The following HCK variants were observed in gnomAD, a reference collection of about 807,000 sequenced individuals.
HCK encodes HCK proto-oncogene, Src family tyrosine kinase.
Under a neutral mutation model 70.4 loss-of-function variants are expected in HCK, and 40 were observed. The ratio of observed to expected loss-of-function variants is 0.57; its 90% CI spans 0.44 to 0.74. The LOEUF (loss-of-function observed/expected upper bound fraction) is 0.74. Among genes scored for constraint, HCK ranks in the 30% least tolerant of loss-of-function variants. The pLI is 0.00. For synonymous variants in HCK, 245 were observed against 263.2 expected, an observed-to-expected ratio of 0.93 and a Z score of 0.67; for missense variants, 568 against 697.2, an observed-to-expected ratio of 0.81 and a Z score of 2.09.
chr20:32,073,548 A>C (rs2045574955), intron 3 of HCK, among the ~76,000 whole-genome samples, 168 bp from the exon 4 acceptor site: 1 of 152,252 alleles, frequency 6.6e-6, no homozygotes, highest in East Asian at 1.9e-4. Context: ...TGAACAAAAC[A>C]TATTTAGCTT....
intron 1 of HCK, chr20:32,054,196 C>T (rs1489474805): frequency 6.6e-6 from 3 of 456,332 alleles, no homozygotes; most frequent in Non-Finnish European, 1.3e-5. Context: ...ACTCTCAGTC[C>T]TGTTTCTCTC....
intron 5 of HCK, among the ~76,000 whole-genome samples, chr20:32,077,645 G>C (rs2045646162): frequency 6.6e-6 from 1 of 152,096 alleles, no homozygotes; most frequent in Non-Finnish European, 1.5e-5. Flanking sequence ...TCCTGCCTCA[G>C]CCTCCCAAGT....
At chr20:32,063,258 G>A (rs996870821) in intron 1 of HCK, among the ~76,000 whole-genome samples, 1 of 152,138 alleles carries the variant, frequency 6.6e-6, no homozygotes, top group African/African-American at 2.4e-5. Context: ...TTAGATACCA[G>A]GTGCTTCTTT....
Position 32,052,386 on chromosome 20 carries a change from T to C in HCK, c.-39T>C. ...CGCCTCTAGTTCTAGAAAGTCAGTT[T>C]CCCGGCACTGGCACCCCGGAACCTC... On this transcript the variant is annotated 5_prime_UTR_variant, in exon 1 of 13. Coordinates refer to ENST00000375852, the MANE Select transcript of HCK (RefSeq NM_002110.5). The C allele has an allele frequency of 1.6e-6, 2 of 1,278,922 alleles. No individual in the cohort carries two copies. The highest frequency in any genetic ancestry group is 2.8e-5 in the South Asian group (1 of 36,322). The allele number at this position is 1,278,922 out of a possible 1,614,324, so 79.2% of individuals were successfully genotyped here. A position where few individuals can be genotyped will look rare whatever the true frequency, so the allele number is the denominator to read the frequency against.
chr20:32,065,819 A>T (rs952531331), intron 1 of HCK, among the ~76,000 whole-genome samples: 1 of 152,184 alleles, frequency 6.6e-6, no homozygotes, highest in Non-Finnish European at 1.5e-5. Flanking sequence ...TTCATGCACT[A>T]AGTGGGAGAA....
At chr20:32,083,818 A>G in intron 6 of HCK, 76 bp from the exon 7 acceptor site, 1 of 1,543,334 alleles carries the variant, frequency 6.5e-7, no homozygotes, top group Non-Finnish European at 8.9e-7. Context: ...GTAGCCTTAC[A>G]GGGTGTCAGA....
At chr20:32,073,259 C>T (rs1287615794) in intron 2 of HCK, 60 bp from the exon 3 acceptor site, 2 of 1,458,600 alleles carry the variant, frequency 1.4e-6, no homozygotes, top group Non-Finnish European at 1.9e-6. Flanking sequence ...CAACACAGAC[C>T]TTCCACGGGT....
At position 32,093,983 on chromosome 20, in the gene HCK, G is replaced by T; in HGVS notation, c.1213G>T (p.Val405Phe). The T allele has an allele frequency of 6.2e-7, 1 of 1,614,028 alleles. No homozygotes were observed. The highest frequency in any genetic ancestry group is 8.5e-7 in the Non-Finnish European group (1 of 1,179,982). ...GATTGCTGACTTTGGCCTGGCCCGG[G>T]TCATTGAGGACAACGAGTACACGGC... Residue 405 changes from valine to phenylalanine, a missense_variant, in exon 11 of 13, where the codon GTC (valine) becomes TTC (phenylalanine). By Grantham distance (50) the Val-to-Phe change is conservative. This residue lies in a region of HCK where 160 missense variants were observed against 237.5 expected (regional missense o/e 0.67). Transcript: ENST00000375852.
rs1191674961 is a variant in HCK, at chr20:32,094,684, CAAAAGAAAAG to C, written c.1246+687_1246+696del. ...CCTGGTGGACAGAGCAAGATCTTGT[CAAAAGAAAAG>C]AAAAGAAAAGAAAAGAAAGAAAGAA... is the stretch of plus-strand genomic sequence containing the variant. On this transcript the variant is annotated intron_variant, in intron 11 of 12. Transcript: ENST00000375852. Among the ~76,000 whole-genome samples, 887 of 100,760 alleles carry C rather than the reference CAAAAGAAAAG, an allele frequency of 8.8e-3. 26 individuals are homozygous for C. The highest frequency in any genetic ancestry group is 0.019 in the Middle Eastern group (4 of 206). 66.1% of individuals were successfully genotyped at this position (100,760 alleles called of 152,430 possible).
intron 12 of HCK, among the ~76,000 whole-genome samples, chr20:32,099,670 C>T (rs2046007445): frequency 6.6e-6 from 1 of 151,894 alleles, no homozygotes; most frequent in African/African-American, 2.4e-5. Context: ...ACCCCTATGA[C>T]ATCTGAGCAG....
chr20:32,073,505 G>A, intron 3 of HCK, 144 bp downstream of exon 3: 1 of 720,264 alleles, frequency 1.4e-6, no homozygotes, highest in Admixed American at 2.8e-5. Context: ...CTTTGCGCAG[G>A]CTATTGTGTT....
At chr20:32,058,392 C>T (rs1034633378) in intron 1 of HCK, among the ~76,000 whole-genome samples, 2 of 151,990 alleles carry the variant, frequency 1.3e-5, no homozygotes, top group East Asian at 1.9e-4. Flanking sequence ...ATTAGCCGGG[C>T]GTGGTGGCGG....
intron 1 of HCK, among the ~76,000 whole-genome samples, chr20:32,059,220 T>A (rs570773644): frequency 7.2e-5 from 11 of 152,156 alleles, no homozygotes; most frequent in Non-Finnish European, 8.8e-5. Flanking sequence ...GAGGTGGCCA[T>A]GGAGGGCTTA....
chr20:32,080,896 T>C (rs1235932537), intron 6 of HCK, among the ~76,000 whole-genome samples: 1 of 152,090 alleles, frequency 6.6e-6, no homozygotes, highest in Non-Finnish European at 1.5e-5. Context: ...GAGACCAGCC[T>C]GGGCAACATA....
intron 9 of HCK, among the ~76,000 whole-genome samples, chr20:32,087,682 C>A (rs1600735722): frequency 2.0e-5 from 3 of 151,782 alleles, no homozygotes; most frequent in Non-Finnish European, 4.4e-5. Context: ...CACTCTGTTT[C>A]CCAGGCTGGA....
intron 10 of HCK, 91 bp downstream of exon 10, chr20:32,088,735 CA>C: frequency 2.2e-6 from 2 of 896,948 alleles, no homozygotes; most frequent in Non-Finnish European, 3.7e-6. Flanking sequence ...ATGATGATAG[CA>C]GTAATAATAA....
chr20:32,099,350 C>CTTTTTTT lies in HCK; in HGVS notation c.1378+234_1378+240dup, dbSNP rs71336559. On this transcript the variant is annotated intron_variant, in intron 12 of 12. Transcript: ENST00000375852. ...CCTTCCTTCTCTCTCACTCCTATGA[C>CTTTTTTT]TTTTTTTTTTTTTTTTTTTTTTTTT... is the stretch of plus-strand genomic sequence containing the variant. Among the ~76,000 whole-genome samples, 47 of 85,172 alleles carry CTTTTTTT rather than the reference C, an allele frequency of 5.5e-4. 1 individual carries two copies. Among genetic ancestry groups the CTTTTTTT allele is most frequent in the African/African-American group, 2.6e-3 (41 of 15,518 alleles). 55.9% of individuals were successfully genotyped at this position (85,172 alleles called of 152,430 possible). A position where few individuals can be genotyped will look rare whatever the true frequency, so the allele number is the denominator to read the frequency against.
chr20:32,060,962 T>C (rs1331944238), intron 1 of HCK, among the ~76,000 whole-genome samples: 1 of 152,040 alleles, frequency 6.6e-6, no homozygotes, highest in East Asian at 1.9e-4. Flanking sequence ...TGCCGTATTT[T>C]TTTTTTGTAG....
intron 1 of HCK, among the ~76,000 whole-genome samples, chr20:32,062,100 C>A (rs145509465): frequency 6.6e-6 from 1 of 151,868 alleles, no homozygotes; most frequent in African/African-American, 2.4e-5. Context: ...CCACCATGCC[C>A]GCCTAATTTT....
Sources: gnomAD v4.1 joint callset for allele counts (sites outside exome capture counted in the v4.1 genomes callset) on GRCh38, gnomAD v4.1.1 for gene constraint, gnomAD v4.1.1 regional missense constraint, MANE v1.5 for transcripts, NCBI Gene and HGNC (gene_info 2026-07-23, HGNC 2026-07-21) for gene names.